The following CATIP variants were observed in gnomAD, a reference collection of about 807,000 sequenced individuals.
CATIP encodes ciliogenesis-associated TTC17-interacting protein.
In CATIP, 40 loss-of-function variants were observed where a neutral mutation model predicts 42.5. The ratio of observed to expected loss-of-function variants is 0.94; its 90% CI spans 0.73 to 1.22. The LOEUF (loss-of-function observed/expected upper bound fraction) is 1.22. Ranked by LOEUF, CATIP falls within the 50% of genes most tolerant of loss-of-function variation. CATIP has a pLI of 0.00. For synonymous variants in CATIP, 222 were observed against 200.2 expected, an observed-to-expected ratio of 1.11 and a Z score of -0.92; for missense variants, 489 against 496.0, an observed-to-expected ratio of 0.99 and a Z score of 0.13.
Position 218,367,462 on chromosome 2 carries a change from A to C in CATIP, c.865A>C (p.Lys289Gln). ...TGAGCCACGCCCAGTGTTTGAGAAG[A>C]AGCCCCTGGTATGGGAGGAGGATAT... The part of the protein sequence containing the change: ...EIEPRPVFEK[K>Q]PLVWEEDMEL... The change falls in exon 9 of 10, where the codon AAG (lysine) becomes CAG (glutamine). Residue 289 changes from lysine to glutamine, a missense_variant. Transcript: ENST00000289388. 1 of 1,614,136 alleles carries C rather than the reference A, an allele frequency of 6.2e-7. No homozygotes were observed. Among genetic ancestry groups the C allele is most frequent in the Non-Finnish European group, 8.5e-7 (1 of 1,180,014 alleles).
intron 6 of CATIP, 96 bp downstream of exon 6, chr2:218,362,998 G>A (rs1695289097): frequency 2.4e-6 from 3 of 1,257,796 alleles, no homozygotes; most frequent in Admixed American, 2.5e-5. Context: ...AGTAGAAAAG[G>A]GAGGCAGGTG....
At position 218,367,886 on chromosome 2, in the gene CATIP, G is replaced by C; in HGVS notation, c.1086G>C (p.Pro362=). ...GPFDPWRPSS[P]ALGSSHRPNP... is the part of the protein sequence containing the mutation. ...TCGACCCGTGGCGTCCGTCGTCACC[G>C]GCCTTGGGCTCCTCCCACCGGCCCA... Residue 362 remains proline, a synonymous_variant, in exon 10 of 10, where the codon CCG becomes CCC. Coordinates refer to ENST00000289388, the MANE Select transcript of CATIP (RefSeq NM_198559.2). 2 of 1,612,614 alleles carry C rather than the reference G, an allele frequency of 1.2e-6. No homozygotes were observed. Among genetic ancestry groups the C allele is most frequent in the Non-Finnish European group, 1.7e-6 (2 of 1,179,818 alleles).
At chr2:218,362,130 C>T (rs567423307) in intron 5 of CATIP, among the ~76,000 whole-genome samples, 45 of 152,114 alleles carry the variant, frequency 3.0e-4, no homozygotes, top group Non-Finnish European at 6.0e-4. Flanking sequence ...CCAAGGCGGG[C>T]GGATCACTTG....
At position 218,362,378 on chromosome 2, in the gene CATIP, G is replaced by A. The variant is rs113656361; in HGVS notation, c.463-357G>A. ...AAAAAAAAAAAAAAAAAAGGCTCAC[G>A]CCTGTAATCCCAACACTTTGGGAGG... On this transcript the variant is annotated intron_variant, in intron 5 of 9. Transcript: ENST00000289388. Among the ~76,000 whole-genome samples, 10 of 144,868 alleles carry A rather than the reference G, an allele frequency of 6.9e-5. 2 individuals are homozygous for A. The highest frequency in any genetic ancestry group is 2.1e-4 in the East Asian group (1 of 4,860).
rs766873327 is a variant in CATIP at position 218,360,555 on chromosome 2, G to A, written c.376-18G>A. Reference sequence around the variant, plus strand: ...CCCAGGGAGTCCCTGATCCTCCCCCGCATGCTCTGGCCCTCAGTTCCTCAT... The same window carrying A: ...CCCAGGGAGTCCCTGATCCTCCCCCACATGCTCTGGCCCTCAGTTCCTCAT... On this transcript the variant is annotated intron_variant, in intron 4 of 9. Coordinates refer to ENST00000289388, the MANE Select transcript of CATIP (RefSeq NM_198559.2). 2.3e-5 allele frequency: 37 copies of A among 1,604,714 alleles called. No homozygotes were observed. Among genetic ancestry groups the A allele is most frequent in the East Asian group, 8.9e-5 (4 of 44,774 alleles).
chr2:218,361,606 C>G (rs926181763), intron 5 of CATIP, among the ~76,000 whole-genome samples: 3 of 152,192 alleles, frequency 2.0e-5, no homozygotes, highest in African/African-American at 4.8e-5. Flanking sequence ...ATTTATCTCA[C>G]GTGAGCAGAG....
intron 6 of CATIP, among the ~76,000 whole-genome samples, chr2:218,363,283 A>G (rs1385587708): frequency 6.7e-5 from 10 of 148,490 alleles, no homozygotes; most frequent in Non-Finnish European, 1.2e-4. Flanking sequence ...GATCTAGACC[A>G]TCCTGGCTAA....
intron 4 of CATIP, among the ~76,000 whole-genome samples, chr2:218,359,364 A>AAAAAAAAAAAAAAG (rs1695155999): frequency 6.9e-6 from 1 of 144,674 alleles, no homozygotes; most frequent in African/African-American, 2.6e-5. Context: ...AAAAAAAAAA[A>AAAAAAAAAAAAAAG]TGTTGGGGAT....
chr2:218,366,916 A>T (rs895483432), intron 7 of CATIP, 108 bp from the exon 8 acceptor site: 2 of 847,598 alleles, frequency 2.4e-6, no homozygotes, highest in Non-Finnish European at 4.0e-6. Context: ...TGACCTCCCC[A>T]AAGCCCCTAC....
Position 218,357,189 on chromosome 2 carries a change from T to G in CATIP, c.118+2T>G. 1 of 1,609,092 alleles carries G rather than the reference T, an allele frequency of 6.2e-7. No individual in the cohort carries two copies. Among genetic ancestry groups the G allele is most frequent in the Non-Finnish European group, 8.5e-7 (1 of 1,176,448 alleles). ...CCATCGACTTCCTCAGCTCCCTCCGTGAGCTCAGACAGTGTCGGGGTTGGG... is the reference window on the plus strand; with the variant it reads ...CCATCGACTTCCTCAGCTCCCTCCGGGAGCTCAGACAGTGTCGGGGTTGGG... On this transcript the variant is annotated splice_donor_variant, in intron 2 of 9. Transcript: ENST00000289388. LOFTEE classifies it high-confidence loss of function.
chr2:218,357,685 C>G lies in CATIP; in HGVS notation c.270C>G (p.Ala90=). 6.2e-7 allele frequency: 1 copy of G among 1,614,044 alleles called. No homozygotes were observed. Among genetic ancestry groups the G allele is most frequent in the Non-Finnish European group, 8.5e-7 (1 of 1,180,016 alleles). The change falls in exon 3 of 10, where the codon GCC becomes GCG. Residue 90 remains alanine (A), a synonymous_variant. Coordinates refer to ENST00000289388, the MANE Select transcript of CATIP (RefSeq NM_198559.2). ...TGACATACTGCCTCTTCGTGCATGC[C>G]TCTAGCCGAGGCTTCTTGGACAAAA... ...GMLTYCLFVH[A]SSRGFLDKML...
intron 6 of CATIP, 137 bp from the exon 7 acceptor site, chr2:218,364,487 AACTC>A (rs1695354883): frequency 7.9e-7 from 1 of 1,265,868 alleles, no homozygotes. Context: ...AGGGGTCGCC[AACTC>A]AGCTTGGAGG....
intron 6 of CATIP, among the ~76,000 whole-genome samples, chr2:218,363,362 T>C (rs1351826658): frequency 2.7e-5 from 4 of 150,218 alleles, no homozygotes; most frequent in African/African-American, 9.8e-5. Context: ...GGCAGGCGCC[T>C]GTAGTCCCAG....
chr2:218,364,871 G>T (rs946472667), intron 7 of CATIP, 119 bp downstream of exon 7: 1 of 1,130,318 alleles, frequency 8.8e-7, no homozygotes, highest in Non-Finnish European at 1.3e-6. Context: ...GTGTCCCTCC[G>T]CTTTATCCAT....
intron 4 of CATIP, among the ~76,000 whole-genome samples, chr2:218,359,341 C>CAAAAAAAAAAAAAAAAAAAAA (rs140677940): frequency 1.3e-5 from 1 of 79,700 alleles, no homozygotes; most frequent in African/African-American, 5.2e-5. Context: ...GACTCTGTCT[C>CAAAAAAAAAAAAAAAAAAAAA]AAAAAAAAAA....
In CATIP at chr2:218,368,015, CGGGCGGGACGCGCCG is replaced by C. The variant is rs1559108624; in HGVS notation, c.*59_*73del. On this transcript the variant is annotated 3_prime_UTR_variant, in exon 10 of 10. Transcript: ENST00000289388. ...GGAAACCAGGGGTCGGGCTGGGACG[CGGGCGGGACGCGCCG>C]GGGCGGGTGCGCTTTCCGGGCTGCG... The C allele has an allele frequency of 2.1e-6, 3 of 1,455,298 alleles. No homozygotes were observed. Among genetic ancestry groups the C allele is most frequent in the Non-Finnish European group, 2.7e-6 (3 of 1,110,762 alleles). The allele number at this position is 1,455,298 out of a possible 1,614,324, so 90.1% of individuals were successfully genotyped here.
Position 218,357,393 on chromosome 2 carries a change from A to C in CATIP, c.119-141A>C, listed in dbSNP as rs1695066473. On this transcript the variant is annotated intron_variant, in intron 2 of 9. Transcript: ENST00000289388. ...ATGGGGACATGGGGCAGGAGTCTTC[A>C]CCTGTCCGTGCCAGTGAGGAAGGCT... 7 of 770,462 alleles carry C rather than the reference A, an allele frequency of 9.1e-6. 1 individual carries two copies. The highest frequency in any genetic ancestry group is 3.8e-4 in the Middle Eastern group (1 of 2,666). 47.7% of individuals were successfully genotyped at this position (770,462 alleles called of 1,614,324 possible).
intron 4 of CATIP, 34 bp downstream of exon 4, chr2:218,358,126 AG>A (rs769626295): frequency 3.2e-6 from 5 of 1,567,884 alleles, no homozygotes; most frequent in Non-Finnish European, 4.3e-6. Context: ...GACCCAATCC[AG>A]GGGAGAGAAG....
chr2:218,367,132 G>A (rs763707023), intron 8 of CATIP, 32 bp downstream of exon 8: 1 of 1,556,296 alleles, frequency 6.4e-7, no homozygotes, highest in South Asian at 1.1e-5. Flanking sequence ...TGCAGGCAGG[G>A]AGAGTTAAGG....
Sources: gnomAD v4.1 joint callset for allele counts (sites outside exome capture counted in the v4.1 genomes callset) on GRCh38, gnomAD v4.1.1 for gene constraint, MANE v1.5 for transcripts, NCBI Gene and HGNC (gene_info 2026-07-23, HGNC 2026-07-21) for gene names.